The following PLCL1 variants were observed in gnomAD, a reference collection of about 807,000 sequenced individuals.
PLCL1 encodes the protein phospholipase C like 1 (inactive), also known as inactive phospholipase C-like protein 1.
Under a neutral mutation model 84.4 loss-of-function variants are expected in PLCL1, and 41 were observed. The observed-to-expected ratio is 0.49, with a 90% CI of 0.38 to 0.63. The LOEUF (loss-of-function observed/expected upper bound fraction) is 0.63. Ranked by LOEUF, PLCL1 falls within the 30% of genes least tolerant of loss-of-function variation. The pLI is 0.00. For synonymous variants in PLCL1, 490 were observed against 488.3 expected (o/e 1.00, Z -0.05); for missense variants, 1,206 against 1,367.8 (o/e 0.88, Z 1.87).
At chr2:198,024,971 G>T (rs972036954) in intron 1 of PLCL1, among the ~76,000 whole-genome samples, 2 of 151,662 alleles carry the variant, frequency 1.3e-5, no homozygotes, top group African/African-American at 4.8e-5. Flanking sequence ...TTTTCCTCAG[G>T]ATATTTTCCA....
intron 1 of PLCL1, among the ~76,000 whole-genome samples, chr2:198,082,008 G>A (rs562936861): frequency 5.3e-5 from 8 of 152,112 alleles, no homozygotes; most frequent in Non-Finnish European, 7.4e-5. Context: ...TGAAATGTTC[G>A]GAAGTCAGGA....
At chr2:197,982,818 T>C (rs1456904639) in intron 1 of PLCL1, among the ~76,000 whole-genome samples, 1 of 152,220 alleles carries the variant, frequency 6.6e-6, no homozygotes, top group Non-Finnish European at 1.5e-5. Context: ...CATCCATCTT[T>C]AGCTACAAGT....
intron 1 of PLCL1, among the ~76,000 whole-genome samples, chr2:197,982,819 A>G (rs1690137153): frequency 6.6e-6 from 1 of 152,212 alleles, no homozygotes; most frequent in Admixed American, 6.5e-5. Context: ...ATCCATCTTT[A>G]GCTACAAGTC....
chr2:198,134,454 G>A (rs1694206135), intron 5 of PLCL1, among the ~76,000 whole-genome samples: 2 of 152,130 alleles, frequency 1.3e-5, no homozygotes, highest in East Asian at 1.9e-4. Context: ...CTCATTGGGC[G>A]GAGGGTGGAA....
Position 197,931,647 on chromosome 2 carries a change from T to TCCAACCAA in PLCL1, c.240+126332_240+126339dup, listed in dbSNP as rs1229606567. Among the ~76,000 whole-genome samples the TCCAACCAA allele has an allele frequency of 2.5e-4, 36 of 145,924 alleles. 1 individual carries two copies. The highest frequency in any genetic ancestry group is 9.1e-4 in the African/African-American group (35 of 38,672). ...CCTTCCTCATACCAACCTACAACCA[T>TCCAACCAA]CCAACCAACCAACCAACCAACCAAC... On this transcript the variant is annotated intron_variant, in intron 1 of 5. Transcript: ENST00000428675.
At chr2:198,132,456 T>G (rs1004699148) in intron 5 of PLCL1, among the ~76,000 whole-genome samples, 1 of 150,994 alleles carries the variant, frequency 6.6e-6, no homozygotes, top group Admixed American at 6.6e-5. Flanking sequence ...TGTGTTTTTT[T>G]GGGGGGGGGA....
chr2:197,895,833 A>T (rs2105730717), intron 1 of PLCL1, among the ~76,000 whole-genome samples: 1 of 152,042 alleles, frequency 6.6e-6, no homozygotes, highest in South Asian at 2.1e-4. Flanking sequence ...AATGGAACAC[A>T]TCAGTGAAGC....
rs200010304 is a variant in PLCL1 at position 198,015,195 on chromosome 2, C to CCTAT, written c.241-68547_241-68544dup. Among the ~76,000 whole-genome samples the CCTAT allele has an allele frequency of 4.2e-3, 634 of 152,034 alleles. 6 individuals are homozygous for CCTAT. Among genetic ancestry groups the CCTAT allele is most frequent in the East Asian group, 0.028 (145 of 5,182 alleles). On this transcript the variant is annotated intron_variant, in intron 1 of 5. Coordinates refer to ENST00000428675, the MANE Select transcript of PLCL1 (RefSeq NM_006226.4). ...CATGTTGGTTATTTTACTGTTCTTGCCTATCTATCTATCTATCTACAAATC... is the reference window on the plus strand; with the variant it reads ...CATGTTGGTTATTTTACTGTTCTTGCCTATCTATCTATCTATCTATCTACAAATC...
chr2:197,808,817 T>G (rs767116422), intron 1 of PLCL1, among the ~76,000 whole-genome samples: 46 of 152,240 alleles, frequency 3.0e-4, no homozygotes, highest in Non-Finnish European at 6.5e-4. Flanking sequence ...TTCCATTGTA[T>G]GTGACACATT....
intron 1 of PLCL1, among the ~76,000 whole-genome samples, chr2:198,023,116 T>G (rs1483695270): frequency 2.0e-5 from 3 of 152,198 alleles, no homozygotes; most frequent in East Asian, 3.8e-4. Context: ...CCATCTGATC[T>G]TTGACAAACC....
intron 1 of PLCL1, among the ~76,000 whole-genome samples, chr2:197,906,791 T>C (rs1227288352): frequency 6.6e-6 from 1 of 152,220 alleles, no homozygotes; most frequent in East Asian, 1.9e-4. Flanking sequence ...CCTTGTAAGT[T>C]GTATTCCTGG....
At chr2:198,117,644 T>C (rs1323660390) in intron 5 of PLCL1, among the ~76,000 whole-genome samples, 1 of 151,962 alleles carries the variant, frequency 6.6e-6, no homozygotes, top group Non-Finnish European at 1.5e-5. Context: ...AAACAGGTTC[T>C]TGTTTATCGT....
intron 1 of PLCL1, among the ~76,000 whole-genome samples, chr2:197,975,263 C>T (rs1288031977): frequency 7.5e-6 from 1 of 132,500 alleles, no homozygotes; most frequent in African/African-American, 2.9e-5. Context: ...TATATTAAAA[C>T]CCCTGCAAGG....
intron 1 of PLCL1, among the ~76,000 whole-genome samples, chr2:198,034,942 G>T (rs778678201): frequency 4.6e-5 from 7 of 152,126 alleles, no homozygotes; most frequent in Non-Finnish European, 7.4e-5. Flanking sequence ...CAGATTATAT[G>T]TTTTTGGCAA....
intron 1 of PLCL1, among the ~76,000 whole-genome samples, chr2:198,060,308 T>G (rs1692162067): frequency 6.6e-6 from 1 of 152,206 alleles, no homozygotes; most frequent in Non-Finnish European, 1.5e-5. Context: ...AGCAGAAAAT[T>G]TATGATCTAA....
At chr2:197,867,127 A>G (rs1212769015) in intron 1 of PLCL1, among the ~76,000 whole-genome samples, 1 of 152,160 alleles carries the variant, frequency 6.6e-6, no homozygotes, top group Non-Finnish European at 1.5e-5. Context: ...TTCCTTGTCC[A>G]ATGTCACATT....
chr2:197,931,855 G>A (rs527797191), intron 1 of PLCL1, among the ~76,000 whole-genome samples: 1 of 152,120 alleles, frequency 6.6e-6, no homozygotes, highest in Admixed American at 6.6e-5. Context: ...AACATGAAAG[G>A]GGAAGTGGAG....
At chr2:197,879,686 AG>A (rs553413819) in intron 1 of PLCL1, among the ~76,000 whole-genome samples, 98 of 152,276 alleles carry the variant, frequency 6.4e-4, no homozygotes, top group African/African-American at 2.2e-3. Flanking sequence ...GTCAGGATAA[AG>A]GGCTGTGCAA....
chr2:198,023,026 G>A (rs1343353237), intron 1 of PLCL1, among the ~76,000 whole-genome samples: 2 of 152,164 alleles, frequency 1.3e-5, no homozygotes, highest in African/African-American at 2.4e-5. Context: ...AATCAAAATA[G>A]CATGGTGCTG....
Sources: allele counts gnomAD v4.1 joint callset (sites outside exome capture counted in the v4.1 genomes callset), GRCh38; gene constraint gnomAD v4.1.1; transcripts MANE v1.5; gene names NCBI Gene and HGNC (gene_info 2026-07-23, HGNC 2026-07-21).